RFX6: variants seen among roughly 807,000 people sequenced by gnomAD.
The protein encoded by RFX6 is regulatory factor X6, also known as DNA-binding protein RFX6.
RFX6 carries 50 observed loss-of-function variants against 110.8 expected under a neutral mutation model. The observed-to-expected ratio is 0.45, with a 90% CI of 0.36 to 0.57. RFX6 has a LOEUF of 0.57. Among genes scored for constraint, RFX6 ranks in the 20% least tolerant of loss-of-function variants. The pLI is 0.00. For missense variants in RFX6, 990 were observed against 1,127.0 expected (o/e 0.88, Z 1.74); for synonymous variants, 383 against 411.2 (o/e 0.93, Z 0.83).
chr6:116,922,061 C>T lies in RFX6; in HGVS notation c.1347C>T (p.Phe449=), dbSNP rs751839843. ...IYTEHDSITV[F]QELKDLLKKN... ...GGGTAGATGACTCTATCACTGTGTT[C>T]CAAGAACTGAAGGATCTCCTTAAGA... Residue 449 remains phenylalanine (F), a synonymous_variant, in exon 13 of 19, where the codon TTC becomes TTT. Coordinates refer to ENST00000332958, the MANE Select transcript of RFX6 (RefSeq NM_173560.4). 1.3e-6 allele frequency: 2 copies of T among 1,486,924 alleles called. No homozygotes were observed. The highest frequency in any genetic ancestry group is 2.3e-5 in the South Asian group (2 of 87,834). The allele number at this position is 1,486,924 out of a possible 1,614,324, so 92.1% of individuals were successfully genotyped here. A position where few individuals can be genotyped will look rare whatever the true frequency, so the allele number is the denominator to read the frequency against.
intron 4 of RFX6, among the ~76,000 whole-genome samples, chr6:116,892,038 A>ATC (rs1478059385): frequency 9.2e-5 from 14 of 152,216 alleles, no homozygotes; most frequent in Non-Finnish European, 1.9e-4. Flanking sequence ...ACTTGAAAAC[A>ATC]TCTTCCCAGT....
chr6:116,906,107 CTGTCCTTTCCCCATAGAAT>C (rs1404764720), intron 6 of RFX6, among the ~76,000 whole-genome samples: 3 of 152,150 alleles, frequency 2.0e-5, no homozygotes, highest in South Asian at 2.1e-4. Flanking sequence ...GTTGATAGAA[CTGTCCTTTCCCCATAGAAT>C]TGTCCTTTCC....
chr6:116,927,743 C>CTTTTT (rs60638457), intron 17 of RFX6, among the ~76,000 whole-genome samples: 1,398 of 119,440 alleles, frequency 0.012, 58 homozygotes, highest in African/African-American at 0.036. Flanking sequence ...GCCCTTCTTC[C>CTTTTT]TTTTTTTTTT....
Position 116,924,934 on chromosome 6 carries a change from G to A in RFX6, c.1678+143G>A, listed in dbSNP as rs1398824961. 4 of 674,492 alleles carry A rather than the reference G, an allele frequency of 5.9e-6. No individual in the cohort carries two copies. The East Asian group carries it at 1.1e-4, about 19-fold the overall frequency. The allele number at this position is 674,492 out of a possible 1,614,324, so 41.8% of individuals were successfully genotyped here. A position where few individuals can be genotyped will look rare whatever the true frequency, so the allele number is the denominator to read the frequency against. On this transcript the variant is annotated intron_variant, in intron 15 of 18. Transcript: ENST00000332958. ...TGTCATTACTAATTCTCACCATACA[G>A]TCACACTATTGGAGCACTACTTTTC...
chr6:116,920,448 A>G lies in RFX6; in HGVS notation c.1321A>G (p.Thr441Ala). 6.2e-7 allele frequency: 1 copy of G among 1,613,202 alleles called. No individual in the cohort carries two copies. Among genetic ancestry groups the G allele is most frequent in the Non-Finnish European group, 8.5e-7 (1 of 1,179,182 alleles). ...CACAGACACTGAATCTGGTATCTAC[A>G]CTGAACGTAAGTCCATTCTCTTTGT... ...GSTDTESGIY[T>A]EHDSITVFQE... Residue 441 changes from threonine to alanine, a missense_variant, in exon 12 of 19, where the codon ACT becomes GCT. This residue lies in a region of RFX6 where 45 missense variants were observed against 29.3 expected (regional missense o/e 1.53). Transcript: ENST00000332958.
At chr6:116,924,135 G>T (rs1775659915) in intron 14 of RFX6, among the ~76,000 whole-genome samples, 2 of 152,140 alleles carry the variant, frequency 1.3e-5, no homozygotes, top group Admixed American at 1.3e-4. Context: ...ATAGTTAAAA[G>T]AAGTTTTAGT....
intron 6 of RFX6, among the ~76,000 whole-genome samples, chr6:116,908,172 A>C (rs1313414855): frequency 6.6e-6 from 1 of 152,198 alleles, no homozygotes; most frequent in Middle Eastern, 3.4e-3. Context: ...ACTTTCTAGC[A>C]TCTTGTAACC....
chr6:116,912,361 A>G (rs1775371167), intron 7 of RFX6, among the ~76,000 whole-genome samples: 1 of 152,104 alleles, frequency 6.6e-6, no homozygotes, highest in Admixed American at 6.5e-5. Context: ...AAAGTAAAAT[A>G]TACCCTTAAA....
At chr6:116,894,193 C>T (rs146930905) in intron 5 of RFX6, 129 bp downstream of exon 5, 12 of 694,824 alleles carry the variant, frequency 1.7e-5, no homozygotes, top group Admixed American at 1.9e-5. Context: ...CCTTAATGTC[C>T]GCTTTGTATG....
At chr6:116,923,360 G>C (rs776761846) in intron 14 of RFX6, 136 bp downstream of exon 14, 80 of 686,780 alleles carry the variant, frequency 1.2e-4, no homozygotes, top group Non-Finnish European at 2.0e-4. Flanking sequence ...ATGAGAAAAT[G>C]GTATTTATGA....
intron 15 of RFX6, among the ~76,000 whole-genome samples, chr6:116,925,091 A>G (rs1024360337): frequency 2.0e-5 from 3 of 152,220 alleles, no homozygotes; most frequent in East Asian, 1.9e-4. Flanking sequence ...ACTGTAATTC[A>G]AGACACATGT....
At chr6:116,925,357 C>A in intron 15 of RFX6, 96 bp from the exon 16 acceptor site, 1 of 1,063,156 alleles carries the variant, frequency 9.4e-7, no homozygotes, top group Non-Finnish European at 1.5e-6. Flanking sequence ...ATTAAATACT[C>A]AACAATGAAA....
intron 4 of RFX6, among the ~76,000 whole-genome samples, chr6:116,888,964 T>C (rs1425676487): frequency 6.6e-6 from 1 of 152,112 alleles, no homozygotes; most frequent in African/African-American, 2.4e-5. Flanking sequence ...TCAGAGACTC[T>C]AAATCACTCA....
intron 18 of RFX6, among the ~76,000 whole-genome samples, chr6:116,929,259 G>A (rs1181920708): frequency 6.6e-6 from 1 of 152,088 alleles, no homozygotes; most frequent in Non-Finnish European, 1.5e-5. Context: ...AATATGACCT[G>A]TCAAATGCAG....
At chr6:116,893,541 T>C (rs775327721) in intron 4 of RFX6, among the ~76,000 whole-genome samples, 6 of 152,164 alleles carry the variant, frequency 3.9e-5, no homozygotes, top group Non-Finnish European at 8.8e-5. Context: ...AAGGGTCACA[T>C]GTTTCATACA....
intron 18 of RFX6, among the ~76,000 whole-genome samples, chr6:116,931,117 G>A (rs1034171213): frequency 5.3e-5 from 8 of 152,148 alleles, no homozygotes; most frequent in Non-Finnish European, 1.2e-4. Flanking sequence ...AGTTTTCTTT[G>A]TGAAATATGT....
At chr6:116,900,024 G>T (rs147972416) in intron 6 of RFX6, among the ~76,000 whole-genome samples, 2 of 152,200 alleles carry the variant, frequency 1.3e-5, no homozygotes, top group African/African-American at 2.4e-5. Context: ...GCTAATAAAC[G>T]CATGAAGAAA....
intron 7 of RFX6, among the ~76,000 whole-genome samples, chr6:116,911,494 CCTTA>C (rs1775350414): frequency 6.6e-6 from 1 of 152,126 alleles, no homozygotes; most frequent in Non-Finnish European, 1.5e-5. Context: ...CATGAACTTT[CCTTA>C]CTTCTAAAAT....
chr6:116,898,158 G>A (rs1336194965), intron 6 of RFX6, among the ~76,000 whole-genome samples: 1 of 152,136 alleles, frequency 6.6e-6, no homozygotes, highest in African/African-American at 2.4e-5. Flanking sequence ...ATCAAGATAA[G>A]GAGTGGAAAG....
Sources: gnomAD v4.1 joint callset for allele counts (sites outside exome capture counted in the v4.1 genomes callset) on GRCh38, gnomAD v4.1.1 for gene constraint, gnomAD v4.1.1 regional missense constraint, MANE v1.5 for transcripts, NCBI Gene and HGNC (gene_info 2026-07-23, HGNC 2026-07-21) for gene names.